ERBB4: variants seen among roughly 807,000 people sequenced by gnomAD.
ERBB4 encodes erb-b2 receptor tyrosine kinase 4, also known as receptor tyrosine-protein kinase erbB-4.
ERBB4 carries 42 observed loss-of-function variants against 158.0 expected under a neutral mutation model. The ratio of observed to expected loss-of-function variants is 0.27; its 90% CI spans 0.21 to 0.34. The LOEUF (loss-of-function observed/expected upper bound fraction) is 0.34, where lower values mean the gene tolerates loss of function less well. Ranked by LOEUF, ERBB4 falls within the 10% of genes least tolerant of loss-of-function variation. The pLI, the probability that ERBB4 is intolerant of heterozygous loss-of-function variation, is 1.00. For synonymous variants in ERBB4, 583 were observed against 558.7 expected (o/e 1.04, Z -0.61); for missense variants, 1,333 against 1,624.1 (o/e 0.82, Z 3.08).
chr2:211,953,621 A>G (rs1467984377), intron 2 of ERBB4, among the ~76,000 whole-genome samples: 1 of 151,930 alleles, frequency 6.6e-6, no homozygotes, highest in African/African-American at 2.4e-5. Context: ...CTTCCTCCTC[A>G]TGGTGTAAGC....
At chr2:211,807,978 C>T (rs1238322676) in intron 3 of ERBB4, among the ~76,000 whole-genome samples, 6 of 151,828 alleles carry the variant, frequency 4.0e-5, no homozygotes, top group South Asian at 2.1e-4. Flanking sequence ...GGGTTGTTTG[C>T]TTTTTCTTGT....
chr2:211,636,987 T>A (rs7576417), intron 16 of ERBB4, among the ~76,000 whole-genome samples: 118,116 of 151,906 alleles, frequency 0.78, 49,397 homozygotes, highest in East Asian at 1. Flanking sequence ...GAAAGTAAAT[T>A]AATTACTGCA....
intron 2 of ERBB4, among the ~76,000 whole-genome samples, chr2:212,108,779 G>A (rs76853748): frequency 0.046 from 6,646 of 145,704 alleles, 189 homozygotes; most frequent in Middle Eastern, 0.068. Context: ...AGGAAGTAGC[G>A]TCACATTTTA....
At chr2:211,503,514 T>C (rs931545372) in intron 20 of ERBB4, among the ~76,000 whole-genome samples, 2 of 152,144 alleles carry the variant, frequency 1.3e-5, no homozygotes, top group African/African-American at 4.8e-5. Context: ...TTGGCAGTCT[T>C]GGAGCAGTTC....
intron 2 of ERBB4, among the ~76,000 whole-genome samples, chr2:212,068,069 C>A (rs1007693289): frequency 6.6e-6 from 1 of 151,966 alleles, no homozygotes; most frequent in Non-Finnish European, 1.5e-5. Flanking sequence ...TCATGGGGAG[C>A]CTGGCTGAGG....
chr2:211,883,859 T>G (rs2078727024), intron 3 of ERBB4, among the ~76,000 whole-genome samples: 1 of 152,212 alleles, frequency 6.6e-6, no homozygotes, highest in Non-Finnish European at 1.5e-5. Context: ...AATAATTTCT[T>G]TGTGCCTTGT....
intron 19 of ERBB4, among the ~76,000 whole-genome samples, chr2:211,591,471 A>G (rs905464432): frequency 6.6e-6 from 1 of 152,204 alleles, no homozygotes; most frequent in East Asian, 1.9e-4. Flanking sequence ...GTTGCATGGA[A>G]TGTTGCCCTT....
At chr2:211,866,273 A>C (rs1215572016) in intron 3 of ERBB4, among the ~76,000 whole-genome samples, 1 of 152,006 alleles carries the variant, frequency 6.6e-6, no homozygotes, top group Admixed American at 6.6e-5. Flanking sequence ...AACTAAAATA[A>C]AACCTATCTT....
chr2:211,675,958 T>A (rs1007157436), intron 13 of ERBB4, among the ~76,000 whole-genome samples: 2 of 151,796 alleles, frequency 1.3e-5, no homozygotes, highest in African/African-American at 4.8e-5. Flanking sequence ...TGGTAGAAAC[T>A]CCAACAAGAT....
At chr2:211,962,746 A>G (rs1416195499) in intron 2 of ERBB4, among the ~76,000 whole-genome samples, 3 of 152,124 alleles carry the variant, frequency 2.0e-5, no homozygotes, top group African/African-American at 7.2e-5. Flanking sequence ...GTGGAATACA[A>G]AAATACTTCA....
At chr2:212,280,357 A>T (rs901369544) in intron 1 of ERBB4, among the ~76,000 whole-genome samples, 6 of 151,584 alleles carry the variant, frequency 4.0e-5, no homozygotes, top group Admixed American at 6.6e-5. Context: ...TGGGCATCTG[A>T]TCTCCCCACT....
chr2:212,127,983 C>T (rs1258295314), intron 1 of ERBB4, among the ~76,000 whole-genome samples: 1 of 152,202 alleles, frequency 6.6e-6, no homozygotes, highest in Non-Finnish European at 1.5e-5. Context: ...AAGCCACCCA[C>T]TCTGTGGTAT....
intron 1 of ERBB4, among the ~76,000 whole-genome samples, chr2:212,147,084 G>A (rs1306311366): frequency 7.0e-6 from 1 of 143,512 alleles, no homozygotes; most frequent in African/African-American, 2.6e-5. Context: ...TCCATCTCCG[G>A]GGTTCAAGTG....
intron 13 of ERBB4, among the ~76,000 whole-genome samples, chr2:211,677,612 C>T (rs2072132895): frequency 1.3e-5 from 2 of 149,670 alleles, no homozygotes; most frequent in Admixed American, 6.7e-5. Context: ...CAGTGGCTTA[C>T]GCCTGTAATC....
intron 1 of ERBB4, among the ~76,000 whole-genome samples, chr2:212,469,303 T>A (rs985554992): frequency 2.6e-5 from 4 of 152,164 alleles, no homozygotes; most frequent in Non-Finnish European, 4.4e-5. Context: ...AATGAAACCA[T>A]TATGAAATTT....
chr2:211,614,600 G>A (rs1408300551), intron 19 of ERBB4, among the ~76,000 whole-genome samples: 6 of 151,958 alleles, frequency 3.9e-5, no homozygotes, highest in African/African-American at 1.4e-4. Flanking sequence ...TATGGAACAG[G>A]ATATAGCTAA....
At chr2:211,415,217 C>T (rs1226982202) in intron 25 of ERBB4, among the ~76,000 whole-genome samples, 18 of 147,302 alleles carry the variant, frequency 1.2e-4, no homozygotes, top group Admixed American at 1.1e-3. Flanking sequence ...CCCGGGTTCA[C>T]GCCATTCTCC....
At chr2:212,385,183 G>T (rs1164481408) in intron 1 of ERBB4, among the ~76,000 whole-genome samples, 1 of 151,558 alleles carries the variant, frequency 6.6e-6, no homozygotes, top group Non-Finnish European at 1.5e-5. Context: ...GCAGGCAATG[G>T]CTGTAAAAAT....
intron 3 of ERBB4, among the ~76,000 whole-genome samples, chr2:211,915,455 A>T (rs888018628): frequency 6.6e-6 from 1 of 150,724 alleles, no homozygotes. Flanking sequence ...ATATATATAT[A>T]TCTCCAATAC....
Sources: gnomAD v4.1 joint callset for allele counts (sites outside exome capture counted in the v4.1 genomes callset) on GRCh38, gnomAD v4.1.1 for gene constraint, MANE v1.5 for transcripts, NCBI Gene and HGNC (gene_info 2026-07-23, HGNC 2026-07-21) for gene names.